The following QTGAL variants were observed in gnomAD, a reference collection of about 807,000 sequenced individuals.
QTGAL encodes the protein BGnT-like protein 1.
the QTGAL span, chr17:82,947,020 C>T: frequency 1.3e-6 from 2 of 1,542,968 alleles, no homozygotes; most frequent in Non-Finnish European, 1.8e-6. Flanking sequence ...GTCCGGTCTC[C>T]TGGCTCTAGG....
At chr17:83,015,052 G>A in the QTGAL span, among the ~76,000 whole-genome samples, 2 of 149,458 alleles carry the variant, frequency 1.3e-5, no homozygotes, top group African/African-American at 2.5e-5. This position sits in a 1 kb window ranked among gnomAD's most constrained non-coding sequence, Gnocchi z 4.4. Context: ...GACCGTCTGC[G>A]GTGAGGACCT....
the QTGAL span, chr17:82,965,583 A>G: frequency 1.4e-6 from 2 of 1,413,918 alleles, no homozygotes; most frequent in South Asian, 1.2e-5. Flanking sequence ...GCCAGTGTGC[A>G]GAGCCCACAC....
At chr17:83,045,573 A>G in the QTGAL span, among the ~76,000 whole-genome samples, 4 of 152,230 alleles carry the variant, frequency 2.6e-5, no homozygotes. Flanking sequence ...AATAATAGAT[A>G]AATTAGATTT....
chr17:83,009,112 A>G, the QTGAL span, among the ~76,000 whole-genome samples: 1 of 151,066 alleles, frequency 6.6e-6, no homozygotes, highest in African/African-American at 2.4e-5. Flanking sequence ...CCCATCATAA[A>G]ACGTAACTCA....
chr17:82,947,599 C>G, the QTGAL span: 4 of 152,580 alleles, frequency 2.6e-5, no homozygotes, highest in Admixed American at 6.5e-5. Flanking sequence ...CCAGCACCTC[C>G]TGAACAAGTT....
the QTGAL span, among the ~76,000 whole-genome samples, chr17:82,950,356 A>G: frequency 2.0e-5 from 3 of 152,216 alleles, no homozygotes; most frequent in Non-Finnish European, 2.9e-5. Context: ...ACAGTTTGAC[A>G]TATTGCGAGA....
At chr17:82,991,173 C>T in the QTGAL span, among the ~76,000 whole-genome samples, 2 of 152,142 alleles carry the variant, frequency 1.3e-5, no homozygotes, top group African/African-American at 4.8e-5. Flanking sequence ...ACTGGGTTAG[C>T]CAAAGATTTC....
At chr17:83,031,818 G>A in the QTGAL span, among the ~76,000 whole-genome samples, 4 of 152,210 alleles carry the variant, frequency 2.6e-5, no homozygotes, top group Non-Finnish European at 5.9e-5. Context: ...GAATCTGTTC[G>A]ACTGTAACGC....
the QTGAL span, chr17:83,006,196 A>T: frequency 1.0e-6 from 1 of 985,880 alleles, no homozygotes; most frequent in Non-Finnish European, 1.2e-6. This position sits in a 1 kb window ranked among gnomAD's most constrained non-coding sequence, Gnocchi z 5.8. Flanking sequence ...TGGTCCAAAG[A>T]GTGGTATCAG....
chr17:83,000,966 G>C, the QTGAL span, among the ~76,000 whole-genome samples: 2 of 152,146 alleles, frequency 1.3e-5, no homozygotes, highest in Non-Finnish European at 2.9e-5. Flanking sequence ...GGAGGGCTCC[G>C]GGATGGACAG....
At chr17:82,961,339 C>T in the QTGAL span, 66 of 799,362 alleles carry the variant, frequency 8.3e-5, no homozygotes, top group Middle Eastern at 5.5e-4. Context: ...GGACGTGGGG[C>T]GGCGACCACA....
At chr17:83,022,218 T>C in the QTGAL span, among the ~76,000 whole-genome samples, 1 of 152,268 alleles carries the variant, frequency 6.6e-6, no homozygotes, top group South Asian at 2.1e-4. Flanking sequence ...TTAAAACTTC[T>C]GTTCATCAAA....
At chr17:82,956,679 A>G in the QTGAL span, 6 of 1,554,302 alleles carry the variant, frequency 3.9e-6, no homozygotes, top group African/African-American at 6.8e-5. The surrounding 1 kb of genome is among the most constrained non-coding windows in gnomAD (Gnocchi z 5.7). Flanking sequence ...TCCACGGCCA[A>G]GGGCCCCACA....
chr17:83,005,678 G>A, the QTGAL span: 1 of 703,206 alleles, frequency 1.4e-6, no homozygotes, highest in South Asian at 1.5e-5. The surrounding 1 kb of genome is among the most constrained non-coding windows in gnomAD (Gnocchi z 5.6). Context: ...GTCCCTAAGT[G>A]GAGAAGAGCC....
the QTGAL span, among the ~76,000 whole-genome samples, chr17:82,967,718 G>C: frequency 6.6e-6 from 1 of 152,044 alleles, no homozygotes; most frequent in African/African-American, 2.4e-5. Context: ...CGAGGCGGGA[G>C]AATCGCTTGA....
chr17:82,951,430 T>G, the QTGAL span, among the ~76,000 whole-genome samples: 1 of 152,354 alleles, frequency 6.6e-6, no homozygotes, highest in Non-Finnish European at 1.5e-5. Flanking sequence ...TGAAGAGAGT[T>G]GGGACCTCGC....
the QTGAL span, among the ~76,000 whole-genome samples, chr17:83,043,492 C>T: frequency 1.3e-5 from 2 of 152,020 alleles, no homozygotes; most frequent in African/African-American, 4.8e-5. Flanking sequence ...AAAAACACAA[C>T]AAACCAAAAC....
the QTGAL span, among the ~76,000 whole-genome samples, chr17:83,010,509 G>A: frequency 1.3e-5 from 2 of 152,224 alleles, no homozygotes; most frequent in Non-Finnish European, 2.9e-5. Flanking sequence ...TCCAGCTTGG[G>A]AAGTCACACA....
chr17:82,972,839 C>T, the QTGAL span, among the ~76,000 whole-genome samples: 32 of 97,044 alleles, frequency 3.3e-4, no homozygotes, highest in African/African-American at 1.1e-3. Context: ...GACCTGGTGC[C>T]GACCACACCA....
Sources: allele counts gnomAD v4.1 joint callset (sites outside exome capture counted in the v4.1 genomes callset), GRCh38; gene constraint gnomAD v4.1.1; non-coding constraint Gnocchi (gnomAD v3.1); transcripts MANE v1.5; gene names NCBI Gene and HGNC (gene_info 2026-07-23, HGNC 2026-07-21).